The following SEMA3C variants were observed in gnomAD, a reference collection of about 807,000 sequenced individuals.
The protein encoded by SEMA3C is semaphorin 3C.
Under a neutral mutation model 89.4 loss-of-function variants are expected in SEMA3C, and 47 were observed. That is an observed-to-expected ratio of 0.53 (90% CI 0.42 to 0.67). The LOEUF (loss-of-function observed/expected upper bound fraction) is 0.67. Among genes scored for constraint, SEMA3C ranks in the 30% least tolerant of loss-of-function variants. The pLI is 0.00. For missense variants in SEMA3C, 839 were observed against 929.1 expected (o/e 0.90, Z 1.26); for synonymous variants, 310 against 320.2 (o/e 0.97, Z 0.34).
chr7:80,858,011 A>G (rs530381969), intron 2 of SEMA3C, among the ~76,000 whole-genome samples: 1 of 152,220 alleles, frequency 6.6e-6, no homozygotes, highest in East Asian at 1.9e-4. Context: ...TTCAGATATC[A>G]GATTATAATA....
intron 2 of SEMA3C, among the ~76,000 whole-genome samples, chr7:80,877,408 A>G (rs1791226303): frequency 6.6e-6 from 1 of 152,138 alleles, no homozygotes; most frequent in African/African-American, 2.4e-5. Context: ...TTTAACTGCC[A>G]AGCTCTTTGT....
chr7:80,880,465 C>T lies in SEMA3C; in HGVS notation c.103+36214G>A, dbSNP rs974042624. Reference sequence around the variant, plus strand: ...GTTAAATGAATGAATGAATTTGATGCTGTGGTGATTCTCACTATGTTTAAA... The same window carrying T: ...GTTAAATGAATGAATGAATTTGATGTTGTGGTGATTCTCACTATGTTTAAA... On this transcript the variant is annotated intron_variant, in intron 2 of 17. Coordinates refer to ENST00000265361, the MANE Select transcript of SEMA3C (RefSeq NM_006379.5). Among the ~76,000 whole-genome samples, 5 of 152,158 alleles carry T rather than the reference C, an allele frequency of 3.3e-5. No individual in the cohort carries two copies. The East Asian group carries it at 9.6e-4, about 29-fold the overall frequency.
At chr7:80,817,506 G>A (rs1184867663) in intron 5 of SEMA3C, among the ~76,000 whole-genome samples, 1 of 152,090 alleles carries the variant, frequency 6.6e-6, no homozygotes, top group Non-Finnish European at 1.5e-5. Context: ...CTAAAAGAAT[G>A]AGTAGTAACT....
intron 2 of SEMA3C, among the ~76,000 whole-genome samples, chr7:80,864,439 A>T (rs1583956520): frequency 2.0e-5 from 3 of 152,308 alleles, no homozygotes; most frequent in Admixed American, 2.0e-4. Context: ...AAAACAATGT[A>T]TCTCTTTCCT....
intron 2 of SEMA3C, among the ~76,000 whole-genome samples, chr7:80,895,730 A>C (rs1734524744): frequency 6.6e-6 from 1 of 152,186 alleles, no homozygotes; most frequent in African/African-American, 2.4e-5. Context: ...AATGAGGAGA[A>C]TGCCTTAAAA....
At chr7:80,807,763 T>C (rs1789376378) in intron 6 of SEMA3C, among the ~76,000 whole-genome samples, 1 of 152,198 alleles carries the variant, frequency 6.6e-6, no homozygotes, top group Admixed American at 6.5e-5. Context: ...AGGTTTCTGG[T>C]CATTTAATAG....
intron 2 of SEMA3C, among the ~76,000 whole-genome samples, chr7:80,886,468 C>T (rs974659072): frequency 1.3e-5 from 2 of 151,706 alleles, no homozygotes; most frequent in African/African-American, 4.8e-5. Context: ...ACTCTCCTGT[C>T]TCAGCCTTCT....
At chr7:80,793,137 T>C (rs1276276180) in intron 11 of SEMA3C, among the ~76,000 whole-genome samples, 1 of 152,228 alleles carries the variant, frequency 6.6e-6, no homozygotes, top group Non-Finnish European at 1.5e-5. Context: ...CTTCCAGCTA[T>C]TTGTTTATCA....
At chr7:80,884,038 A>T (rs1354486554) in intron 2 of SEMA3C, among the ~76,000 whole-genome samples, 1 of 152,214 alleles carries the variant, frequency 6.6e-6, no homozygotes, top group Non-Finnish European at 1.5e-5. Context: ...TGGCAAAAAT[A>T]CTTGTTAACA....
upstream of SEMA3C, chr7:80,919,446 A>C (rs756246143): frequency 1.2e-4 from 108 of 898,858 alleles, no homozygotes; most frequent in Non-Finnish European, 1.4e-4. Context: ...CGTAAATATC[A>C]AAGTGCAAAG....
Position 80,745,144 on chromosome 7 carries a change from A to G in SEMA3C, c.2006T>C (p.Val669Ala). Residue 669 changes from valine (V) to alanine (A), a missense_variant, in exon 18 of 18, where the codon GTT becomes GCT. Coordinates refer to ENST00000265361, the MANE Select transcript of SEMA3C (RefSeq NM_006379.5). ...CCATGGGGACCATTTGTCCGTCACA[A>G]CAGCCACCATTTCTGAATCTAAAAC... ...FKVLDSEMVA[V>A]VTDKWSPWTW... The G allele has an allele frequency of 6.2e-7, 1 of 1,614,034 alleles. No individual in the cohort carries two copies.
chr7:80,821,442 C>CA (rs1229285490), intron 4 of SEMA3C, among the ~76,000 whole-genome samples: 3 of 152,034 alleles, frequency 2.0e-5, no homozygotes, highest in Non-Finnish European at 4.4e-5. Context: ...GGGTGGGCGA[C>CA]AGAGTGTCGC....
At chr7:80,819,132 C>T (rs1043700864) in intron 4 of SEMA3C, among the ~76,000 whole-genome samples, 5 of 151,830 alleles carry the variant, frequency 3.3e-5, no homozygotes, top group African/African-American at 1.2e-4. Context: ...CAAATTTATA[C>T]ATATCAATGC....
intron 14 of SEMA3C, among the ~76,000 whole-genome samples, chr7:80,760,499 C>T (rs1788160889): frequency 6.6e-6 from 1 of 152,176 alleles, no homozygotes; most frequent in Non-Finnish European, 1.5e-5. Context: ...ACCATACAAA[C>T]ATTTTTACAG....
chr7:80,795,308 GC>G lies in SEMA3C; in HGVS notation c.1131+2783del, dbSNP rs557984185. 3.3e-5 allele frequency among the ~76,000 whole-genome samples: 5 copies of G among 152,266 alleles called. No individual in the cohort carries two copies. The South Asian group carries it at 8.3e-4, about 25-fold the overall frequency. ...AGGGACAGAATCTTCAGGGAGGTAC[GC>G]TTTTCCAGGAGGAGTTCCAAAGGTC... On this transcript the variant is annotated intron_variant, in intron 11 of 17. Coordinates refer to ENST00000265361, the MANE Select transcript of SEMA3C (RefSeq NM_006379.5).
chr7:80,876,510 A>G (rs953966729), intron 2 of SEMA3C, among the ~76,000 whole-genome samples: 9 of 152,140 alleles, frequency 5.9e-5, no homozygotes, highest in African/African-American at 1.9e-4. Flanking sequence ...CATTCGCCCC[A>G]TCTATCAATT....
intron 4 of SEMA3C, among the ~76,000 whole-genome samples, chr7:80,822,775 C>T (rs529480542): frequency 6.6e-6 from 1 of 152,250 alleles, no homozygotes; most frequent in South Asian, 2.1e-4. Context: ...CAGTAGAAAT[C>T]ATATCTGGAA....
chr7:80,882,085 C>T (rs1208433980), intron 2 of SEMA3C, among the ~76,000 whole-genome samples: 1 of 152,152 alleles, frequency 6.6e-6, no homozygotes, highest in Admixed American at 6.6e-5. Flanking sequence ...TGTCCATCCA[C>T]GAAGTACAAA....
intron 2 of SEMA3C, among the ~76,000 whole-genome samples, chr7:80,911,198 T>G (rs951967753): frequency 4.6e-5 from 7 of 152,230 alleles, no homozygotes; most frequent in African/African-American, 1.7e-4. Flanking sequence ...ATGATATGTT[T>G]ACAGAATATC....
Sources: gnomAD v4.1 joint callset for allele counts (sites outside exome capture counted in the v4.1 genomes callset) on GRCh38, gnomAD v4.1.1 for gene constraint, MANE v1.5 for transcripts, NCBI Gene and HGNC (gene_info 2026-07-23, HGNC 2026-07-21) for gene names.